MEIKIN: variants seen among roughly 807,000 people sequenced by gnomAD.
MEIKIN encodes the protein meiosis-specific kinetochore protein.
chr5:131,895,980 G>A (rs1002686447), intron 8 of MEIKIN, among the ~76,000 whole-genome samples: 5 of 151,968 alleles, frequency 3.3e-5, no homozygotes, highest in Non-Finnish European at 7.4e-5. Context: ...GTGATGTTAG[G>A]GTGTCGATTT....
chr5:131,851,597 A>G (rs1248258932), intron 10 of MEIKIN, among the ~76,000 whole-genome samples: 2 of 152,228 alleles, frequency 1.3e-5, no homozygotes. Flanking sequence ...AATCTGTAAA[A>G]TGGGTTATAA....
chr5:131,866,684 A>C (rs1296836442), intron 9 of MEIKIN, among the ~76,000 whole-genome samples: 1 of 152,188 alleles, frequency 6.6e-6, no homozygotes, highest in Non-Finnish European at 1.5e-5. Context: ...CTGCCTCTTC[A>C]GCCCCAGGAG....
intron 8 of MEIKIN, among the ~76,000 whole-genome samples, chr5:131,894,297 T>G (rs1160651412): frequency 6.6e-6 from 1 of 152,264 alleles, no homozygotes; most frequent in Non-Finnish European, 1.5e-5. Context: ...TTTTGGTTAC[T>G]GTAGCCTTGT....
At chr5:131,944,430 G>A (rs1751925853) in intron 3 of MEIKIN, 4 of 346,634 alleles carry the variant, frequency 1.2e-5, no homozygotes, top group South Asian at 3.0e-4. Context: ...AATTATGGAC[G>A]TTTCTCCAAA....
chr5:131,865,927 G>A (rs1273896528), intron 9 of MEIKIN, among the ~76,000 whole-genome samples: 1 of 152,202 alleles, frequency 6.6e-6, no homozygotes, highest in East Asian at 1.9e-4. Context: ...GGCAGCAGTG[G>A]TATGTTAAGC....
intron 8 of MEIKIN, among the ~76,000 whole-genome samples, chr5:131,890,921 T>G (rs1750900975): frequency 2.0e-5 from 3 of 152,230 alleles, no homozygotes. Context: ...TTTGTGTCTT[T>G]GTTCTCATTG....
chr5:131,897,255 G>C (rs987337436), intron 8 of MEIKIN, among the ~76,000 whole-genome samples: 20 of 152,364 alleles, frequency 1.3e-4, no homozygotes, highest in Non-Finnish European at 1.6e-4. Flanking sequence ...GAGATCCACT[G>C]TTAGTCTGAC....
chr5:131,902,825 A>G (rs1305245473), intron 8 of MEIKIN, among the ~76,000 whole-genome samples: 8 of 152,226 alleles, frequency 5.3e-5, no homozygotes, highest in Admixed American at 5.2e-4. Context: ...TGACAGAAAT[A>G]GGAATCAGAA....
intron 11 of MEIKIN, among the ~76,000 whole-genome samples, chr5:131,826,996 T>A (rs1344158545): frequency 6.6e-6 from 1 of 152,084 alleles, no homozygotes; most frequent in Non-Finnish European, 1.5e-5. Flanking sequence ...AAAAGTTAAT[T>A]TTTTTTTAAA....
At chr5:131,871,834 G>A (rs1307186069) in intron 9 of MEIKIN, among the ~76,000 whole-genome samples, 1 of 152,120 alleles carries the variant, frequency 6.6e-6, no homozygotes, top group Admixed American at 6.5e-5. Flanking sequence ...AGCATTTGCG[G>A]TTCACCAATA....
chr5:131,859,318 T>G (rs1367657653), intron 9 of MEIKIN, among the ~76,000 whole-genome samples: 1 of 152,190 alleles, frequency 6.6e-6, no homozygotes, highest in Non-Finnish European at 1.5e-5. Context: ...ACAGTGATGA[T>G]GTAGTGTGAA....
At chr5:131,941,031 C>A (rs1751861158) in intron 4 of MEIKIN, among the ~76,000 whole-genome samples, 1 of 151,114 alleles carries the variant, frequency 6.6e-6, no homozygotes. Flanking sequence ...TGGCAGCAGG[C>A]ACTGGTAGCT....
intron 9 of MEIKIN, among the ~76,000 whole-genome samples, chr5:131,855,154 C>T (rs924240823): frequency 6.6e-6 from 1 of 152,100 alleles, no homozygotes; most frequent in South Asian, 2.1e-4. Flanking sequence ...TAGGAAATGG[C>T]GCTTCAGTTA....
chr5:131,933,440 T>C (rs935063276), intron 5 of MEIKIN, 73 bp downstream of exon 5: 2 of 391,462 alleles, frequency 5.1e-6, no homozygotes, highest in Non-Finnish European at 9.0e-6. Flanking sequence ...GGGACGTTTA[T>C]TCATTGGAGG....
chr5:131,808,978 G>A (rs561062909), intron 12 of MEIKIN, among the ~76,000 whole-genome samples: 14 of 152,202 alleles, frequency 9.2e-5, no homozygotes, highest in Non-Finnish European at 1.3e-4. Context: ...TGGCAGAATC[G>A]CTGGAGCCTG....
chr5:131,814,109 G>A (rs1773057040), intron 12 of MEIKIN, among the ~76,000 whole-genome samples: 1 of 151,880 alleles, frequency 6.6e-6, no homozygotes, highest in South Asian at 2.1e-4. Flanking sequence ...ACCAAATTGA[G>A]GGTGAGTCTG....
chr5:131,930,996 C>T (rs1468412332), intron 5 of MEIKIN, among the ~76,000 whole-genome samples: 3 of 152,094 alleles, frequency 2.0e-5, no homozygotes, highest in Non-Finnish European at 4.4e-5. Flanking sequence ...TATCTTGTTC[C>T]TTTGTTTCGA....
chr5:131,831,643 A>G (rs1749716713), intron 11 of MEIKIN, among the ~76,000 whole-genome samples: 1 of 152,074 alleles, frequency 6.6e-6, no homozygotes, highest in African/African-American at 2.4e-5. Context: ...TTTTTTTGTG[A>G]TTGTAACTGT....
intron 11 of MEIKIN, among the ~76,000 whole-genome samples, chr5:131,850,395 A>G (rs1237853000): frequency 4.6e-5 from 7 of 152,204 alleles, no homozygotes; most frequent in Non-Finnish European, 1.5e-5. Flanking sequence ...GAAAAAGAAG[A>G]ACAAAGCTGG....
Sources: gnomAD v4.1 joint callset for allele counts (sites outside exome capture counted in the v4.1 genomes callset) on GRCh38, gnomAD v4.1.1 for gene constraint, MANE v1.5 for transcripts, NCBI Gene and HGNC (gene_info 2026-07-23, HGNC 2026-07-21) for gene names.